Variants in IL12RB1 observed in about 807,000 individuals in gnomAD.
IL12RB1 encodes interleukin-12 receptor subunit beta-1.
A neutral mutation model predicts 94.4 loss-of-function variants in IL12RB1; 64 were observed. That is an observed-to-expected ratio of 0.68 (90% CI 0.55 to 0.83). The LOEUF (loss-of-function observed/expected upper bound fraction) is 0.83, where lower values mean the gene tolerates loss of function less well. IL12RB1 is among the 40% of genes least tolerant of loss of function. The pLI is 0.00. For synonymous variants in IL12RB1, 362 were observed against 355.5 expected, an observed-to-expected ratio of 1.02 and a Z score of -0.21; for missense variants, 814 against 855.6, an observed-to-expected ratio of 0.95 and a Z score of 0.61.
upstream of IL12RB1, among the ~76,000 whole-genome samples, chr19:18,089,612 G>A (rs1463284206): frequency 1.4e-5 from 2 of 147,962 alleles, no homozygotes; most frequent in African/African-American, 2.5e-5. Context: ...GTGAGAGAGT[G>A]AGACTATGTC....
intron 8 of IL12RB1, among the ~76,000 whole-genome samples, chr19:18,072,676 G>C (rs1374635479): frequency 6.6e-6 from 1 of 152,088 alleles, no homozygotes; most frequent in Admixed American, 6.6e-5. Flanking sequence ...GGCCGGGCAC[G>C]GGGGCTCACG....
At chr19:18,078,198 C>G (rs1466707743) in intron 4 of IL12RB1, among the ~76,000 whole-genome samples, 1 of 152,074 alleles carries the variant, frequency 6.6e-6, no homozygotes, top group African/African-American at 2.4e-5. Flanking sequence ...CATCTGAGGT[C>G]AGGAGTTTAA....
intron 4 of IL12RB1, among the ~76,000 whole-genome samples, 154 bp from the exon 5 acceptor site, chr19:18,077,809 C>A (rs1852042053): frequency 6.6e-6 from 1 of 152,148 alleles, no homozygotes; most frequent in African/African-American, 2.4e-5. Flanking sequence ...ATATTATGAT[C>A]AAAAAGTCAA....
chr19:18,086,027 G>C (rs1380203314), intron 1 of IL12RB1, among the ~76,000 whole-genome samples: 1 of 151,910 alleles, frequency 6.6e-6, no homozygotes, highest in African/African-American at 2.4e-5. Flanking sequence ...ACCAGCCTGG[G>C]CAACACAGCG....
At chr19:18,081,836 A>G (rs964954766) in intron 3 of IL12RB1, among the ~76,000 whole-genome samples, 1 of 137,366 alleles carries the variant, frequency 7.3e-6, no homozygotes, top group Non-Finnish European at 1.6e-5. Flanking sequence ...AGAAAAAAAG[A>G]AAAAAGAAAA....
At chr19:18,084,211 C>A (rs1009267913) in intron 1 of IL12RB1, among the ~76,000 whole-genome samples, 5 of 150,946 alleles carry the variant, frequency 3.3e-5, no homozygotes, top group Non-Finnish European at 5.9e-5. Flanking sequence ...ATTCATACAT[C>A]CATCCATCCA....
At chr19:18,061,025 T>A in intron 15 of IL12RB1, 97 bp downstream of exon 15, 1 of 750,052 alleles carries the variant, frequency 1.3e-6, no homozygotes, top group Non-Finnish European at 2.4e-6. Context: ...AGTCCTTACC[T>A]TGATGAATTG....
At chr19:18,080,070 T>C (rs2035783684) in intron 4 of IL12RB1, among the ~76,000 whole-genome samples, 1 of 152,134 alleles carries the variant, frequency 6.6e-6, no homozygotes, top group Middle Eastern at 3.4e-3. Flanking sequence ...TTTTCTTTTT[T>C]TTTGAGACAG....
upstream of IL12RB1, among the ~76,000 whole-genome samples, chr19:18,087,252 C>T (rs1210662084): frequency 6.6e-6 from 1 of 151,452 alleles, no homozygotes; most frequent in African/African-American, 2.4e-5. Flanking sequence ...CTCTGTCGCC[C>T]GGGCTGGAGT....
Position 18,069,709 on chromosome 19 carries a change from T to C in IL12RB1, c.1026A>G (p.Pro342=), listed in dbSNP as rs1293139322. 1 of 1,610,320 alleles carries C rather than the reference T, an allele frequency of 6.2e-7. No individual in the cohort carries two copies. The highest frequency in any genetic ancestry group is 1.3e-5 in the African/African-American group (1 of 74,866). The change falls in exon 10 of 17, where the codon CCA becomes CCG. Residue 342 remains proline, a synonymous_variant. Coordinates refer to ENST00000593993, the MANE Select transcript of IL12RB1 (RefSeq NM_005535.3). ...TTCCGACGCTGATATTCAGAGCCAC[T>C]GGTTCTGGAAGGAGAGGGGAGAGAC... The part of the protein sequence containing the change: ...WHIPADTHTE[P]VALNISVGTN...
intron 9 of IL12RB1, among the ~76,000 whole-genome samples, chr19:18,071,775 G>A (rs1278388704): frequency 1.3e-5 from 2 of 152,024 alleles, no homozygotes; most frequent in African/African-American, 4.8e-5. Context: ...GGGTTCAAGC[G>A]ATTCTCCTGC....
At chr19:18,062,682 G>A (rs912948192) in intron 13 of IL12RB1, among the ~76,000 whole-genome samples, 1 of 152,182 alleles carries the variant, frequency 6.6e-6, no homozygotes, top group Admixed American at 6.6e-5. Context: ...TGAGACAGAA[G>A]AATCGCTTGA....
intron 13 of IL12RB1, 49 bp downstream of exon 13, chr19:18,063,827 A>C: frequency 6.4e-7 from 1 of 1,558,582 alleles, no homozygotes; most frequent in South Asian, 1.1e-5. Flanking sequence ...TGGGAAGCGC[A>C]GTGCAGTGCA....
At chr19:18,076,054 T>C (rs1328215519) in intron 6 of IL12RB1, among the ~76,000 whole-genome samples, 186 bp from the exon 7 acceptor site, 1 of 152,150 alleles carries the variant, frequency 6.6e-6, no homozygotes, top group Non-Finnish European at 1.5e-5. Context: ...CGTCCATCCC[T>C]GCCCCTCAGT....
Position 18,063,999 on chromosome 19 carries a change from G to A in IL12RB1, c.1495C>T (p.Gln499Ter), listed in dbSNP as rs781736642. 2 of 1,611,808 alleles carry A rather than the reference G, an allele frequency of 1.2e-6. No homozygotes were observed. Among genetic ancestry groups the A allele is most frequent in the Non-Finnish European group, 1.7e-6 (2 of 1,178,224 alleles). The change falls in exon 13 of 17, where the codon CAG becomes TAG. Residue 499 changes from glutamine to a stop codon, truncating the protein, a stop_gained. Transcript: ENST00000593993. LOFTEE classifies it high-confidence loss of function. ...DSKQVSEHPV[Q>*]PTETQVTLSG... ...AGGGTAACTTGGGTCTCTGTGGGCT[G>A]CACGGGATGCTCTGCAGTGGGAGAG...
At chr19:18,083,555 G>T (rs34972452) in intron 1 of IL12RB1, 64 bp from the exon 2 acceptor site, 1 of 1,537,168 alleles carries the variant, frequency 6.5e-7, no homozygotes, top group Non-Finnish European at 9.0e-7. Flanking sequence ...GAAGGGCTCA[G>T]CCTTGGGGTC....
At position 18,065,799 on chromosome 19, in the gene IL12RB1, A is replaced by G. The variant is rs148238049; in HGVS notation, c.1483+743T>C. Among the ~76,000 whole-genome samples the G allele has an allele frequency of 6.0e-5, 9 of 149,802 alleles. No individual in the cohort carries two copies. In the East Asian group the frequency reaches 1.6e-3, roughly 26 times the overall value. On this transcript the variant is annotated intron_variant, in intron 12 of 16. Coordinates refer to ENST00000593993, the MANE Select transcript of IL12RB1 (RefSeq NM_005535.3). The stretch of plus-strand genomic sequence containing the variant: ...GCGCCACTGCACTCCAGCCTGGGTG[A>G]CAGAGACAGACTCCCTCTCAAAAAG...
Position 18,077,744 on chromosome 19 carries a change from A to C in IL12RB1, c.410-89T>G. On this transcript the variant is annotated intron_variant, in intron 4 of 16. Transcript: ENST00000593993. ...AAATCCACCCTGTCCAGGGTAAGCA[A>C]CTGAATCCCTAAATATGAATTAGGG... 6 of 808,196 alleles carry C rather than the reference A, an allele frequency of 7.4e-6. No individual in the cohort carries two copies. The South Asian group carries it at 8.2e-5, about 11-fold the overall frequency. The allele number at this position is 808,196 out of a possible 1,614,324, so 50.1% of individuals were successfully genotyped here. A position where few individuals can be genotyped will look rare whatever the true frequency, so the allele number is the denominator to read the frequency against.
intron 9 of IL12RB1, 98 bp from the exon 10 acceptor site, chr19:18,069,811 T>G: frequency 1.1e-6 from 1 of 904,130 alleles, no homozygotes. Flanking sequence ...CTCTCGTCTA[T>G]ACCCCTGACC....
Sources: gnomAD v4.1 joint callset for allele counts (sites outside exome capture counted in the v4.1 genomes callset) on GRCh38, gnomAD v4.1.1 for gene constraint, MANE v1.5 for transcripts, NCBI Gene and HGNC (gene_info 2026-07-23, HGNC 2026-07-21) for gene names.